The following ADAMTS16 variants were observed in gnomAD, a reference collection of about 807,000 sequenced individuals.
ADAMTS16 encodes A disintegrin and metalloproteinase with thrombospondin motifs 16.
A neutral mutation model predicts 145.8 loss-of-function variants in ADAMTS16; 94 were observed. That is an observed-to-expected ratio of 0.64 (90% confidence interval 0.55 to 0.77). The LOEUF (loss-of-function observed/expected upper bound fraction) is 0.77, where lower values mean the gene tolerates loss of function less well. ADAMTS16 is among the 30% of genes least tolerant of loss of function. ADAMTS16 has a pLI of 0.00. For missense variants in ADAMTS16, 1,585 were observed against 1,591.5 expected (o/e 1.00, Z 0.07); for synonymous variants, 659 against 604.3 (o/e 1.09, Z -1.33).
At chr5:5,307,496 C>A (rs1282097968) in intron 21 of ADAMTS16, among the ~76,000 whole-genome samples, 1 of 152,128 alleles carries the variant, frequency 6.6e-6, no homozygotes, top group Non-Finnish European at 1.5e-5. Flanking sequence ...AGGAAGCAGG[C>A]GGAAGGGAAT....
intron 21 of ADAMTS16, among the ~76,000 whole-genome samples, chr5:5,311,023 C>A (rs1412508212): frequency 6.6e-6 from 1 of 152,140 alleles, no homozygotes; most frequent in Admixed American, 6.5e-5. Flanking sequence ...CTTCTGCTGG[C>A]AATTGGACTC....
intron 3 of ADAMTS16, among the ~76,000 whole-genome samples, chr5:5,152,621 T>A (rs1734504936): frequency 6.6e-6 from 1 of 152,224 alleles, no homozygotes; most frequent in Admixed American, 6.5e-5. Context: ...CTTATCTTCT[T>A]GGCTACACAT....
chr5:5,151,485 G>A (rs958502821), intron 3 of ADAMTS16, among the ~76,000 whole-genome samples: 9 of 151,948 alleles, frequency 5.9e-5, no homozygotes, highest in South Asian at 2.1e-4. Flanking sequence ...TGATCCACCC[G>A]CCTCAGCCTC....
intron 8 of ADAMTS16, among the ~76,000 whole-genome samples, chr5:5,194,876 A>G (rs766760554): frequency 3.9e-5 from 6 of 152,208 alleles, no homozygotes; most frequent in Non-Finnish European, 7.3e-5. Context: ...AAAAACGTGT[A>G]AAACATACTG....
chr5:5,232,852 C>T (rs563743852), intron 12 of ADAMTS16, among the ~76,000 whole-genome samples: 6 of 152,188 alleles, frequency 3.9e-5, no homozygotes, highest in African/African-American at 1.4e-4. Flanking sequence ...ATCCACCCGC[C>T]GTGACCTCCC....
chr5:5,186,208 G>A lies in ADAMTS16; in HGVS notation c.920G>A (p.Gly307Asp), dbSNP rs754061151. 6.2e-7 allele frequency: 1 copy of A among 1,613,860 alleles called. No homozygotes were observed. The highest frequency in any genetic ancestry group is 1.7e-5 in the Admixed American group (1 of 60,010). ...GACAAAAAGATGATGCAAAACCATG[G>A]CCATGAAAATATCACCACCTACGTG... is the stretch of plus-strand genomic sequence containing the variant. Reference protein sequence around the residue: ...VVDKKMMQNHGHENITTYVLT... With the variant: ...VVDKKMMQNHDHENITTYVLT... Residue 307 changes from glycine to aspartate, a missense_variant, in exon 5 of 23, where the codon GGC becomes GAC. Gly to Asp is a moderately conservative substitution (Grantham distance 94, BLOSUM62 -1). This residue lies in a region of ADAMTS16 where 453 missense variants were observed against 412.1 expected (regional missense o/e 1.10). Coordinates refer to ENST00000274181, the MANE Select transcript of ADAMTS16 (RefSeq NM_139056.4).
intron 18 of ADAMTS16, among the ~76,000 whole-genome samples, chr5:5,292,649 T>A (rs952211197): frequency 1.3e-5 from 2 of 152,146 alleles, no homozygotes; most frequent in African/African-American, 4.8e-5. Context: ...TCGTGTGGCC[T>A]CCGTGACCCT....
chr5:5,306,444 C>T (rs1740155461), intron 20 of ADAMTS16, 60 bp from the exon 21 acceptor site: 1 of 1,480,066 alleles, frequency 6.8e-7, no homozygotes, highest in Non-Finnish European at 9.3e-7. Context: ...TATTTTAACC[C>T]ACAGATTTTG....
intron 17 of ADAMTS16, among the ~76,000 whole-genome samples, chr5:5,257,373 G>C (rs1737821551): frequency 6.6e-6 from 1 of 152,042 alleles, no homozygotes. Flanking sequence ...TTATAACAAT[G>C]AATAACACAT....
intron 10 of ADAMTS16, among the ~76,000 whole-genome samples, chr5:5,211,710 C>T (rs1484200293): frequency 1.3e-5 from 2 of 152,062 alleles, no homozygotes; most frequent in South Asian, 2.1e-4. Flanking sequence ...TCTTTCTAAG[C>T]ACATTAGCTG....
chr5:5,190,057 T>C lies in ADAMTS16; in HGVS notation c.1134T>C (p.Thr378=), dbSNP rs756811808. 11 of 1,613,344 alleles carry C rather than the reference T, an allele frequency of 6.8e-6. No homozygotes were observed. The highest frequency in any genetic ancestry group is 9.3e-6 in the Non-Finnish European group (11 of 1,179,740). ...WQSGLMGKDG[T]RHDHAILLTG... is the part of the protein sequence containing the mutation. ...CTGGATTGATGGGGAAAGATGGGAC[T>C]CGTCATGACCACGCCATCTTACTGA... is the stretch of plus-strand genomic sequence containing the variant. The change falls in exon 7 of 23, where the codon ACT becomes ACC. Residue 378 remains threonine (T), a synonymous_variant. Coordinates refer to ENST00000274181, the MANE Select transcript of ADAMTS16 (RefSeq NM_139056.4).
intron 3 of ADAMTS16, among the ~76,000 whole-genome samples, chr5:5,147,678 C>T (rs536793367): frequency 1.8e-4 from 27 of 152,312 alleles, no homozygotes; most frequent in Non-Finnish European, 3.8e-4. Flanking sequence ...ATTTCTTCCA[C>T]ACTCTCCCAA....
At chr5:5,305,056 T>C (rs1341701828) in intron 20 of ADAMTS16, among the ~76,000 whole-genome samples, 116 of 31,678 alleles carry the variant, frequency 3.7e-3, no homozygotes, top group African/African-American at 5.0e-3. Context: ...CACACACACA[T>C]CCCACACCAC....
intron 8 of ADAMTS16, among the ~76,000 whole-genome samples, chr5:5,193,007 A>AT (rs1038462778): frequency 6.6e-6 from 1 of 152,054 alleles, no homozygotes; most frequent in Non-Finnish European, 1.5e-5. Context: ...ATAAGTTTTT[A>AT]TTTTTTTTAA....
intron 18 of ADAMTS16, among the ~76,000 whole-genome samples, chr5:5,273,606 C>G (rs1033091720): frequency 6.6e-6 from 1 of 152,178 alleles, no homozygotes; most frequent in Admixed American, 6.5e-5. Flanking sequence ...GTAGGAATGC[C>G]GTGGCTTGAA....
At chr5:5,161,580 T>C (rs1308702455) in intron 3 of ADAMTS16, among the ~76,000 whole-genome samples, 1 of 152,178 alleles carries the variant, frequency 6.6e-6, no homozygotes, top group Non-Finnish European at 1.5e-5. Flanking sequence ...GTTGCCACCA[T>C]GTGTGGTTGG....
chr5:5,280,391 T>C (rs1392607960), intron 18 of ADAMTS16, among the ~76,000 whole-genome samples: 2 of 152,190 alleles, frequency 1.3e-5, no homozygotes, highest in Non-Finnish European at 2.9e-5. Flanking sequence ...TTGCTAATTA[T>C]TACAATGAAC....
chr5:5,240,397 C>T (rs1017695720), intron 16 of ADAMTS16, among the ~76,000 whole-genome samples: 4 of 152,232 alleles, frequency 2.6e-5, no homozygotes, highest in African/African-American at 9.6e-5. Context: ...CACATCAACC[C>T]AGTGTCCAGT....
rs1228293647 is a variant in ADAMTS16, at chr5:5,218,435, T to C, written c.1606-4354T>C. Reference sequence around the variant, plus strand: ...CAGGTACAGAGACTGTGGGGAGCACTCTTGGGCTCCGGCCCCACGGCAGCC... The same window carrying C: ...CAGGTACAGAGACTGTGGGGAGCACCCTTGGGCTCCGGCCCCACGGCAGCC... On this transcript the variant is annotated intron_variant, in intron 10 of 22. Transcript: ENST00000274181. Among the ~76,000 whole-genome samples the C allele has an allele frequency of 2.6e-5, 4 of 152,152 alleles. No individual in the cohort carries two copies. In the East Asian group the frequency reaches 7.7e-4, roughly 29 times the overall value.
Sources: allele counts gnomAD v4.1 joint callset (sites outside exome capture counted in the v4.1 genomes callset), GRCh38; gene constraint gnomAD v4.1.1; regional missense constraint gnomAD v4.1.1; transcripts MANE v1.5; gene names NCBI Gene and HGNC (gene_info 2026-07-23, HGNC 2026-07-21).